DST: variants seen among roughly 807,000 people sequenced by gnomAD.
DST encodes the protein bullous pemphigoid antigen.
DST carries 253 observed loss-of-function variants against 875.2 expected under a neutral mutation model. The observed-to-expected ratio is 0.29, with a 90% CI of 0.26 to 0.32. DST has a LOEUF of 0.32. Ranked by LOEUF, DST falls within the 10% of genes least tolerant of loss-of-function variation. The probability of loss-of-function intolerance (pLI) is 1.00; values close to 1 mark genes in which losing one functional copy is unlikely to be tolerated. For synonymous variants in DST, 3,124 were observed against 3,197.1 expected (o/e 0.98, Z 0.77); for missense variants, 8,287 against 9,111.6 (o/e 0.91, Z 3.68).
intron 82 of DST, 75 bp from the exon 83 acceptor site, chr6:56,494,255 G>A: frequency 1.5e-6 from 2 of 1,366,526 alleles, no homozygotes; most frequent in East Asian, 2.4e-5. Context: ...TAGGTCATCA[G>A]TCCCAAGCTC....
chr6:56,877,973 G>A (rs79956378), intron 3 of DST, among the ~76,000 whole-genome samples: 4,499 of 152,252 alleles, frequency 0.03, 223 homozygotes, highest in African/African-American at 0.098. Context: ...TACATCACCA[G>A]TGTGATGTGA....
chr6:56,477,292 C>A, intron 91 of DST, 53 bp downstream of exon 91: 1 of 1,561,468 alleles, frequency 6.4e-7, no homozygotes. Flanking sequence ...TTTCCCACAC[C>A]CCTCAACTCT....
chr6:56,601,450 T>C lies in DST; in HGVS notation c.11534A>G (p.Asp3845Gly), dbSNP rs761398704. 6.9e-6 allele frequency: 11 copies of C among 1,586,358 alleles called. No homozygotes were observed. Among genetic ancestry groups the C allele is most frequent in the Non-Finnish European group, 9.4e-6 (11 of 1,164,626 alleles). ...CCACGAAGAAAGGCAAACCTTCTGA[T>C]CATCAAGATCTTGTTCTAGATGTAA... ...TQLHLEQDLDDQKIVAERQQE... is the reference protein window; with the variant it reads ...TQLHLEQDLDGQKIVAERQQE... Residue 3845 changes from aspartate (D) to glycine (G), a missense_variant, in exon 44 of 104, where the codon GAT becomes GGT. Physicochemically the swap from Asp to Gly is moderately conservative, Grantham distance 94. Around this residue, in one of 10 missense-constraint regions of DST, gnomAD observed 3,138 missense variants for 3,116.6 expected, o/e 1.01. Coordinates refer to ENST00000680361, the MANE Select transcript of DST (RefSeq NM_001374736.1).
At chr6:56,630,483 T>A (rs184452513) in intron 30 of DST, 100 bp from the exon 31 acceptor site, 88 of 1,057,216 alleles carry the variant, frequency 8.3e-5, no homozygotes, top group Non-Finnish European at 1.2e-4. Context: ...TAACATGTTC[T>A]TCACCTTGGA....
At chr6:56,905,807 C>T (rs1395452479) in intron 2 of DST, among the ~76,000 whole-genome samples, 1 of 152,112 alleles carries the variant, frequency 6.6e-6, no homozygotes, top group Admixed American at 6.5e-5. Flanking sequence ...GGCCACCGCA[C>T]CCAGCTAATT....
chr6:56,516,192 AGAGAAG>A (rs2096589659), intron 71 of DST, among the ~76,000 whole-genome samples: 1 of 151,072 alleles, frequency 6.6e-6, no homozygotes, highest in Admixed American at 6.6e-5. Context: ...AGAAAGAGAA[AGAGAAG>A]GAGAAAGAGA....
chr6:56,583,419 C>T (rs1242547568), intron 49 of DST, among the ~76,000 whole-genome samples: 1 of 152,158 alleles, frequency 6.6e-6, no homozygotes, highest in African/African-American at 2.4e-5. Flanking sequence ...TGTTCATATC[C>T]TTTGCCCACT....
Position 56,553,348 on chromosome 6 carries a change from A to G in DST, c.15444T>C (p.Asp5148=), listed in dbSNP as rs2097350825. 1.2e-6 allele frequency: 2 copies of G among 1,610,578 alleles called. No homozygotes were observed. Among genetic ancestry groups the G allele is most frequent in the African/African-American group, 1.3e-5 (1 of 74,474 alleles). The part of the protein sequence containing the change: ...LQLNTIKTNW[D]TFNKQVKERE... ...TTTCTTTCACCTGCTTATTAAATGTATCCCAATTGGTTTTAATTGTATTAA... is the reference window on the plus strand; with the variant it reads ...TTTCTTTCACCTGCTTATTAAATGTGTCCCAATTGGTTTTAATTGTATTAA... Residue 5148 remains aspartate, a synonymous_variant, in exon 61 of 104, where the codon GAT becomes GAC. Coordinates refer to ENST00000680361, the MANE Select transcript of DST (RefSeq NM_001374736.1).
intron 2 of DST, among the ~76,000 whole-genome samples, chr6:56,952,207 G>A (rs1282916302): frequency 6.6e-6 from 1 of 152,156 alleles, no homozygotes; most frequent in East Asian, 1.9e-4. Flanking sequence ...CCAAATGCAA[G>A]CTCAGAACAA....
intron 4 of DST, among the ~76,000 whole-genome samples, chr6:56,812,657 T>C (rs914024869): frequency 2.6e-5 from 4 of 152,218 alleles, no homozygotes; most frequent in Non-Finnish European, 4.4e-5. Context: ...CATAAAACAC[T>C]GGAATAAAAC....
intron 4 of DST, among the ~76,000 whole-genome samples, chr6:56,755,439 T>C (rs952320212): frequency 4.6e-5 from 7 of 152,366 alleles, no homozygotes; most frequent in Admixed American, 2.6e-4. Flanking sequence ...GGCAGAATAC[T>C]TTCATGTAAT....
intron 16 of DST, 141 bp downstream of exon 16, chr6:56,642,269 C>T: frequency 1.2e-6 from 1 of 860,460 alleles, no homozygotes; most frequent in South Asian, 1.4e-5. Context: ...GAGCAAACAC[C>T]AATCATAATC....
At chr6:56,572,450 T>C (rs756026077) in intron 52 of DST, among the ~76,000 whole-genome samples, 184 bp from the exon 53 acceptor site, 3 of 152,220 alleles carry the variant, frequency 2.0e-5, no homozygotes, top group Non-Finnish European at 4.4e-5. Flanking sequence ...GGGAACACAG[T>C]AAACCTTATT....
At chr6:56,750,551 G>A (rs1246956887) in intron 4 of DST, among the ~76,000 whole-genome samples, 1 of 151,996 alleles carries the variant, frequency 6.6e-6, no homozygotes, top group Non-Finnish European at 1.5e-5. Flanking sequence ...CTATCTTCAT[G>A]AGAAAGTAAC....
At chr6:56,567,609 G>T (rs889981285) in intron 55 of DST, among the ~76,000 whole-genome samples, 1 of 151,714 alleles carries the variant, frequency 6.6e-6, no homozygotes, top group African/African-American at 2.4e-5. Flanking sequence ...AGAAGAAAAA[G>T]GAGAAATCAT....
chr6:56,620,088 C>G (rs754253997), intron 36 of DST: 1 of 1,613,616 alleles, frequency 6.2e-7, no homozygotes, highest in South Asian at 1.1e-5. Flanking sequence ...GCTTCCAATT[C>G]AATTTTCTGC....
Position 56,553,692 on chromosome 6 carries a change from C to A in DST, c.15137-37G>T, listed in dbSNP as rs1442692976. 1.3e-5 allele frequency: 21 copies of A among 1,557,464 alleles called. No individual in the cohort carries two copies. The African/African-American group carries it at 2.6e-4, about 19-fold the overall frequency. ...ATTACAAGATATGTTTATTTTACAT[C>A]AAAATGTTAATTTAATCTATGAAAA... On this transcript the variant is annotated intron_variant, in intron 60 of 103. Coordinates refer to ENST00000680361, the MANE Select transcript of DST (RefSeq NM_001374736.1).
chr6:56,479,999 C>G (rs960837599), intron 90 of DST, among the ~76,000 whole-genome samples: 3 of 152,152 alleles, frequency 2.0e-5, no homozygotes, highest in Admixed American at 2.0e-4. Context: ...TGAAGCAGCT[C>G]TGTGACATAC....
intron 33 of DST, among the ~76,000 whole-genome samples, chr6:56,627,718 A>T (rs973428002): frequency 2.6e-5 from 4 of 152,242 alleles, no homozygotes; most frequent in Non-Finnish European, 5.9e-5. Context: ...AGTGTCAAAG[A>T]GATTTCTATA....
Sources: gnomAD v4.1 joint callset for allele counts (sites outside exome capture counted in the v4.1 genomes callset) on GRCh38, gnomAD v4.1.1 for gene constraint, gnomAD v4.1.1 regional missense constraint, MANE v1.5 for transcripts, NCBI Gene and HGNC (gene_info 2026-07-23, HGNC 2026-07-21) for gene names.